Variants in PCDHGB2 observed in about 807,000 individuals in gnomAD.
PCDHGB2 encodes the protein protocadherin gamma subfamily B, 2.
In PCDHGB2, 55 loss-of-function variants were observed where a neutral mutation model predicts 59.3. That is an observed-to-expected ratio of 0.93 (90% CI 0.75 to 1.16). The LOEUF (loss-of-function observed/expected upper bound fraction) is 1.16. Among genes scored for constraint, PCDHGB2 ranks in the 50% most tolerant of loss-of-function variants. The probability of loss-of-function intolerance (pLI) is 0.00; values close to 1 mark genes in which losing one functional copy is unlikely to be tolerated. For synonymous variants in PCDHGB2, 516 were observed against 512.0 expected (o/e 1.01, Z -0.11); for missense variants, 1,228 against 1,198.5 (o/e 1.02, Z -0.36).
chr5:141,403,707 T>C (rs2094445205), intron 1 of PCDHGB2: 2 of 1,613,778 alleles, frequency 1.2e-6, no homozygotes, highest in African/African-American at 2.7e-5. Flanking sequence ...GTTAAAGTCC[T>C]TGAGAACGTG....
chr5:141,423,693 G>A (rs114008539), intron 1 of PCDHGB2: 1 of 1,396,244 alleles, frequency 7.2e-7, no homozygotes, highest in Non-Finnish European at 9.4e-7. Flanking sequence ...CTAATTGTTG[G>A]TGTCTTGGCA....
chr5:141,415,686 G>T, intron 1 of PCDHGB2: 2 of 1,535,424 alleles, frequency 1.3e-6, no homozygotes, highest in Middle Eastern at 1.7e-4. Flanking sequence ...GCGGCATGAT[G>T]GTGGAAAGTG....
In PCDHGB2 at chr5:141,393,675, C is replaced by T. The variant is rs755191809; in HGVS notation, c.2421+31119C>T. The stretch of plus-strand genomic sequence containing the variant: ...CAAATTCCGGAAAATTAATGAAAAA[C>T]AAACTCCGTTATTCCAGCTTAATGA... On this transcript the variant is annotated intron_variant, in intron 1 of 3. Transcript: ENST00000522605. 4 of 1,613,756 alleles carry T rather than the reference C, an allele frequency of 2.5e-6. No individual in the cohort carries two copies. The South Asian group carries it at 3.3e-5, about 13-fold the overall frequency.
In PCDHGB2 at chr5:141,431,135, A is replaced by T. The variant is rs140069213; in HGVS notation, c.2422-63672A>T. On this transcript the variant is annotated intron_variant, in intron 1 of 3. Transcript: ENST00000522605. This position sits in a 1 kb window ranked among gnomAD's most constrained non-coding sequence, Gnocchi z 4.8. ...TGGAGTAGAAGTAGAAGTAAGGGAC[A>T]TTAACGACAATGCGCCTTACTTTCG... 1 of 1,614,266 alleles carries T rather than the reference A, an allele frequency of 6.2e-7. No homozygotes were observed. Among genetic ancestry groups the T allele is most frequent in the African/African-American group, 1.3e-5 (1 of 75,078 alleles).
intron 1 of PCDHGB2, among the ~76,000 whole-genome samples, chr5:141,480,513 C>T (rs1376669385): frequency 7.9e-6 from 1 of 127,246 alleles, no homozygotes. Context: ...ATGAGAACAA[C>T]CAAAAATGAC....
chr5:141,394,302 C>T (rs1380425662), intron 1 of PCDHGB2: 1 of 1,614,010 alleles, frequency 6.2e-7, no homozygotes, highest in Non-Finnish European at 8.5e-7. Flanking sequence ...GGACACGCTG[C>T]AGGGGGCGCC....
Position 141,487,256 on chromosome 5 carries a change from G to T in PCDHGB2, c.2422-7551G>T. On this transcript the variant is annotated intron_variant, in intron 1 of 3. Coordinates refer to ENST00000522605, the MANE Select transcript of PCDHGB2 (RefSeq NM_018923.3). This position sits in a 1 kb window ranked among gnomAD's most constrained non-coding sequence, Gnocchi z 5.0. Reference sequence around the variant, plus strand: ...ATCTCGTCTAACCCTCTACTTGGCTGTGTCCCTAGTGGCAATTTGCTTTGT... The same window carrying T: ...ATCTCGTCTAACCCTCTACTTGGCTTTGTCCCTAGTGGCAATTTGCTTTGT... The T allele has an allele frequency of 2.5e-6, 4 of 1,614,166 alleles. No homozygotes were observed. Among genetic ancestry groups the T allele is most frequent in the Non-Finnish European group, 2.5e-6 (3 of 1,180,032 alleles).
chr5:141,375,516 A>G (rs757383072), intron 1 of PCDHGB2: 1 of 1,613,900 alleles, frequency 6.2e-7, no homozygotes, highest in East Asian at 2.2e-5. Flanking sequence ...AATGCACTGG[A>G]CCCTGACGTG....
Position 141,476,854 on chromosome 5 carries a change from G to A in PCDHGB2, c.2422-17953G>A. The A allele has an allele frequency of 6.2e-7, 1 of 1,613,860 alleles. No individual in the cohort carries two copies. The highest frequency in any genetic ancestry group is 1.1e-5 in the South Asian group (1 of 91,088). ...ATGACAATGCGCCTGTCTTCAACCA[G>A]TCCTTGTACCGGGCGCGCGTCCTGG... On this transcript the variant is annotated intron_variant, in intron 1 of 3. Transcript: ENST00000522605. This position sits in a 1 kb window ranked among gnomAD's most constrained non-coding sequence, Gnocchi z 7.6.
In PCDHGB2 at chr5:141,360,805, G is replaced by A; in HGVS notation, c.670G>A (p.Gly224Ser). 6.2e-7 allele frequency: 1 copy of A among 1,613,924 alleles called. No individual in the cohort carries two copies. The highest frequency in any genetic ancestry group is 1.6e-4 in the Middle Eastern group (1 of 6,062). Residue 224 changes from glycine (G) to serine (S), a missense_variant, in exon 1 of 4, where the codon GGC becomes AGC. Coordinates refer to ENST00000522605, the MANE Select transcript of PCDHGB2 (RefSeq NM_018923.3). ...AVDGGDPPQS[G>S]TTQIRIKVTD... ...GGATGGCGGAGACCCACCTCAAAGT[G>A]GCACGACCCAAATCCGAATCAAAGT...
chr5:141,381,901 C>T (rs1036292864), intron 1 of PCDHGB2, among the ~76,000 whole-genome samples: 24 of 130,248 alleles, frequency 1.8e-4, no homozygotes, highest in African/African-American at 6.8e-4. Flanking sequence ...GTGATCTCGG[C>T]TCACCACAAC....
rs1377463316 is a variant in PCDHGB2 at position 141,361,641 on chromosome 5, A to G, written c.1506A>G (p.Leu502=). ...VASDLKPREI[L]SYVSVSAQSG... is the part of the protein sequence containing the mutation. ...GCGACCTGAAGCCGCGGGAGATTTTATCCTACGTGTCCGTGAGCGCGCAGA... is the reference window on the plus strand; with the variant it reads ...GCGACCTGAAGCCGCGGGAGATTTTGTCCTACGTGTCCGTGAGCGCGCAGA... Residue 502 remains leucine (L), a synonymous_variant, in exon 1 of 4, where the codon TTA becomes TTG. Transcript: ENST00000522605. 5.6e-6 allele frequency: 9 copies of G among 1,613,720 alleles called. No homozygotes were observed. Among genetic ancestry groups the G allele is most frequent in the Admixed American group, 5.0e-5 (3 of 60,008 alleles).
intron 2 of PCDHGB2, among the ~76,000 whole-genome samples, chr5:141,496,123 C>T (rs2099766207): frequency 6.6e-6 from 1 of 152,098 alleles, no homozygotes; most frequent in African/African-American, 2.4e-5. Flanking sequence ...CTTCCCTGCC[C>T]CTCACACACT....
At chr5:141,365,966 G>C in intron 1 of PCDHGB2, 1 of 1,614,222 alleles carries the variant, frequency 6.2e-7, no homozygotes, top group Non-Finnish European at 8.5e-7. Context: ...TAGCAGCAAC[G>C]TGTCGCTGAG....
chr5:141,363,164 T>A (rs113012267), intron 1 of PCDHGB2, among the ~76,000 whole-genome samples: 2 of 152,380 alleles, frequency 1.3e-5, no homozygotes, highest in South Asian at 2.1e-4. Context: ...AATCATTCTC[T>A]AACATGCATT....
chr5:141,384,012 A>C, intron 1 of PCDHGB2: 1 of 1,613,830 alleles, frequency 6.2e-7, no homozygotes. Flanking sequence ...TTTTCTACCT[A>C]CAAGACAGAG....
chr5:141,390,556 CAGTTGTTGG>C, intron 1 of PCDHGB2: 2 of 454,162 alleles, frequency 4.4e-6, no homozygotes, highest in Admixed American at 3.9e-5. Flanking sequence ...AAGTGTTAGA[CAGTTGTTGG>C]CTCTCTCCTA....
At position 141,486,785 on chromosome 5, in the gene PCDHGB2, C is replaced by T. The variant is rs763174232; in HGVS notation, c.2422-8022C>T. 1.2e-5 allele frequency: 20 copies of T among 1,614,102 alleles called. No homozygotes were observed. The highest frequency in any genetic ancestry group is 5.3e-5 in the African/African-American group (4 of 74,936). On this transcript the variant is annotated intron_variant, in intron 1 of 3. Transcript: ENST00000522605. This position sits in a 1 kb window ranked among gnomAD's most constrained non-coding sequence, Gnocchi z 5.0. ...GACACTGCAGTTTGAGGTGCAGGCC[C>T]GGGATCGGGGCAACCCACCCCTTAG...
rs149920059 is a variant in PCDHGB2 at position 141,409,848 on chromosome 5, G to A, written c.2421+47292G>A. 8,006 of 1,612,024 alleles carry A rather than the reference G, an allele frequency of 5.0e-3. 45 individuals are homozygous for A. The highest frequency in any genetic ancestry group is 9.5e-3 in the Admixed American group (567 of 59,794). On this transcript the variant is annotated intron_variant, in intron 1 of 3. Transcript: ENST00000522605. ...ACGCTCAGCGCCAACGTGAGCCTGC[G>A]CGTGTTGGTGGGAGACCGCAATGAC... is the stretch of plus-strand genomic sequence containing the variant.
Sources: gnomAD v4.1 joint callset for allele counts (sites outside exome capture counted in the v4.1 genomes callset) on GRCh38, gnomAD v4.1.1 for gene constraint, Gnocchi (gnomAD v3.1) non-coding constraint, MANE v1.5 for transcripts, NCBI Gene and HGNC (gene_info 2026-07-23, HGNC 2026-07-21) for gene names.